RAB39A: variants seen among roughly 807,000 people sequenced by gnomAD.
RAB39A encodes ras-related protein Rab-39A.
In RAB39A, 17 loss-of-function variants were observed where a neutral mutation model predicts 20.9. The observed-to-expected ratio is 0.81, with a 90% CI of 0.56 to 1.22. The LOEUF (loss-of-function observed/expected upper bound fraction) is 1.22, where lower values mean the gene tolerates loss of function less well. RAB39A is among the 50% of genes most tolerant of loss of function. The pLI is 0.00. For missense variants in RAB39A, 234 were observed against 270.5 expected (o/e 0.87, Z 0.95); for synonymous variants, 99 against 103.4 (o/e 0.96, Z 0.26).
chr11:107,933,311 ATATGTGTG>A (rs764109235), intron 1 of RAB39A, among the ~76,000 whole-genome samples: 4,389 of 51,960 alleles, frequency 0.084, 84 homozygotes, highest in African/African-American at 0.13. Context: ...TTATATATAT[ATATGTGTG>A]TGTGTGTGTG....
At chr11:107,958,957 T>C (rs1861467454) in intron 1 of RAB39A, among the ~76,000 whole-genome samples, 1 of 151,956 alleles carries the variant, frequency 6.6e-6, no homozygotes, top group African/African-American at 2.4e-5. Context: ...TCATCTCTAC[T>C]AAAAATTAAA....
At position 107,962,150 on chromosome 11, in the gene RAB39A, A is replaced by C; in HGVS notation, c.432A>C (p.Lys144Asn). ...QRQVTREEAE[K>N]LSADCGMKYI... is the part of the protein sequence containing the mutation. ...AAGTTACAAGGGAAGAAGCTGAAAA[A>C]CTGTCAGCAGACTGTGGAATGAAGT... Residue 144 changes from lysine (K) to asparagine (N), a missense_variant, in exon 2 of 2, where the codon AAA becomes AAC. Lys to Asn is a moderately conservative substitution (Grantham distance 94). Transcript: ENST00000320578. 1 of 1,614,158 alleles carries C rather than the reference A, an allele frequency of 6.2e-7. No individual in the cohort carries two copies. Among genetic ancestry groups the C allele is most frequent in the Non-Finnish European group, 8.5e-7 (1 of 1,179,990 alleles).
rs577385486 is a variant in RAB39A at position 107,958,868 on chromosome 11, C to CT, written c.228-3077dup. On this transcript the variant is annotated intron_variant, in intron 1 of 1. Transcript: ENST00000320578. ...GGCGCGGTGGCTCATGCCTGTTATC[C>CT]TAGTGCTCTGGGAGGCCAAGGTGGG... is the stretch of plus-strand genomic sequence containing the variant. 1.1e-3 allele frequency among the ~76,000 whole-genome samples: 160 copies of CT among 152,076 alleles called. 1 individual carries two copies. Among genetic ancestry groups the CT allele is most frequent in the Non-Finnish European group, 3.7e-4 (25 of 67,990 alleles).
chr11:107,950,612 C>A (rs1464521661), intron 1 of RAB39A, among the ~76,000 whole-genome samples: 1 of 151,864 alleles, frequency 6.6e-6, no homozygotes, highest in African/African-American at 2.4e-5. Flanking sequence ...ACAAAAAATA[C>A]AAAACTTAGC....
At chr11:107,938,639 G>C (rs1861225910) in intron 1 of RAB39A, among the ~76,000 whole-genome samples, 1 of 150,642 alleles carries the variant, frequency 6.6e-6, no homozygotes, top group African/African-American at 2.4e-5. Context: ...GGGAGACTGA[G>C]GTAAGACTAT....
At position 107,962,384 on chromosome 11, in the gene RAB39A, C is replaced by A; in HGVS notation, c.*12C>A. The A allele has an allele frequency of 1.3e-6, 2 of 1,583,896 alleles. No homozygotes were observed. The highest frequency in any genetic ancestry group is 8.6e-7 in the Non-Finnish European group (1 of 1,161,446). Reference sequence around the variant, plus strand: ...AATGCTTCTGCTGACTTCAAACATGCTGAAGAACTAACAGGAACAGATTGG... The same window carrying A: ...AATGCTTCTGCTGACTTCAAACATGATGAAGAACTAACAGGAACAGATTGG... On this transcript the variant is annotated 3_prime_UTR_variant, in exon 2 of 2. Transcript: ENST00000320578.
chr11:107,949,704 A>C (rs1861355198), intron 1 of RAB39A, among the ~76,000 whole-genome samples: 1 of 152,214 alleles, frequency 6.6e-6, no homozygotes, highest in Non-Finnish European at 1.5e-5. Context: ...CAAATAGAAA[A>C]TAAGCATCCT....
chr11:107,950,220 T>C (rs1861363379), intron 1 of RAB39A, among the ~76,000 whole-genome samples: 1 of 151,938 alleles, frequency 6.6e-6, no homozygotes, highest in Admixed American at 6.6e-5. Flanking sequence ...ATTTCACCTA[T>C]ATGTGTATAG....
chr11:107,946,456 ATATATTTTTTTTTTTTTTTTT>A (rs1861318440), intron 1 of RAB39A, among the ~76,000 whole-genome samples: 1 of 43,550 alleles, frequency 2.3e-5, no homozygotes. Context: ...ATATATATAT[ATATATTTTTTTTTTTTTTTTT>A]TTTTTTTTTT....
In RAB39A at chr11:107,928,756, A is replaced by G; in HGVS notation, c.188A>G (p.Lys63Arg). The G allele has an allele frequency of 6.2e-7, 1 of 1,605,672 alleles. No homozygotes were observed. Among genetic ancestry groups the G allele is most frequent in the Non-Finnish European group, 8.5e-7 (1 of 1,175,532 alleles). ...GAGATCGAGCCGGGCAAGAGGATCA[A>G]GCTACAGCTCTGGGACACGGCGGGA... ...LLEIEPGKRI[K>R]LQLWDTAGQE... is the part of the protein sequence containing the mutation. The change falls in exon 1 of 2, where the codon AAG becomes AGG. Residue 63 changes from lysine (K) to arginine (R), a missense_variant. Physicochemically the swap from Lys to Arg is conservative, Grantham distance 26 (BLOSUM62 2). Transcript: ENST00000320578. This position sits in a 1 kb window ranked among gnomAD's most constrained non-coding sequence, Gnocchi z 4.9.
chr11:107,932,944 C>T (rs1215295103), intron 1 of RAB39A, among the ~76,000 whole-genome samples: 2 of 152,024 alleles, frequency 1.3e-5, no homozygotes, highest in Non-Finnish European at 2.9e-5. Flanking sequence ...CTCCTGGGCT[C>T]GTGTAATCTG....
chr11:107,940,291 G>A (rs566077339), intron 1 of RAB39A, among the ~76,000 whole-genome samples: 2 of 151,562 alleles, frequency 1.3e-5, no homozygotes, highest in Non-Finnish European at 1.5e-5. Flanking sequence ...TTTTAGATGA[G>A]TCACATTCTG....
intron 1 of RAB39A, among the ~76,000 whole-genome samples, chr11:107,929,485 G>GGTGTGT (rs10687737): frequency 6.0e-5 from 9 of 149,600 alleles, no homozygotes; most frequent in African/African-American, 1.2e-4. Flanking sequence ...CACAGCTGAG[G>GGTGTGT]GTGTGTGTGT....
chr11:107,943,388 G>A lies in RAB39A; in HGVS notation c.227+14593G>A, dbSNP rs529031941. 4.5e-3 allele frequency among the ~76,000 whole-genome samples: 685 copies of A among 152,066 alleles called. 1 individual carries two copies. The highest frequency in any genetic ancestry group is 7.5e-3 in the Admixed American group (115 of 15,250). On this transcript the variant is annotated intron_variant, in intron 1 of 1. Transcript: ENST00000320578. ...AGATTGAGACCATCCTGGCTAACAC[G>A]GTGAAACCCTGACTCTACTAAAAAT...
chr11:107,928,614 G>C lies in RAB39A; in HGVS notation c.46G>C (p.Asp16His). 1.3e-6 allele frequency: 2 copies of C among 1,598,632 alleles called. No homozygotes were observed. The highest frequency in any genetic ancestry group is 1.7e-6 in the Non-Finnish European group (2 of 1,168,664). ...CCAGTTCCGCCTCATCGTGATCGGG[G>C]ACTCCACCGTGGGCAAGTCCTGCCT... Reference protein sequence around the residue: ...IYQFRLIVIGDSTVGKSCLLH... With the variant: ...IYQFRLIVIGHSTVGKSCLLH... Residue 16 changes from aspartate to histidine, a missense_variant, in exon 1 of 2, where the codon GAC (aspartate) becomes CAC (histidine). Coordinates refer to ENST00000320578, the MANE Select transcript of RAB39A (RefSeq NM_017516.3). This position sits in a 1 kb window ranked among gnomAD's most constrained non-coding sequence, Gnocchi z 4.9.
chr11:107,946,938 T>C (rs1485103241), intron 1 of RAB39A, among the ~76,000 whole-genome samples: 1 of 151,738 alleles, frequency 6.6e-6, no homozygotes, highest in Non-Finnish European at 1.5e-5. Context: ...AATAAAAAAT[T>C]AGCCAGACGT....
chr11:107,955,655 A>C (rs1255409326), intron 1 of RAB39A, among the ~76,000 whole-genome samples: 6 of 152,152 alleles, frequency 3.9e-5, no homozygotes, highest in Non-Finnish European at 5.9e-5. Context: ...CCTGACCAAC[A>C]TGGAGAAATC....
At chr11:107,959,761 G>T (rs1379668526) in intron 1 of RAB39A, among the ~76,000 whole-genome samples, 2 of 152,298 alleles carry the variant, frequency 1.3e-5, no homozygotes, top group East Asian at 3.9e-4. Flanking sequence ...AGGAAAGTAT[G>T]ACGGTAACAA....
chr11:107,953,398 G>A lies in RAB39A; in HGVS notation c.228-8548G>A, dbSNP rs572785057. ...AATGGTTGAGGTGCAGAGACTTGAT[G>A]GGAAAGTGGAGGCCAGGCTTGGAAT... On this transcript the variant is annotated intron_variant, in intron 1 of 1. Transcript: ENST00000320578. Among the ~76,000 whole-genome samples the A allele has an allele frequency of 2.0e-4, 30 of 152,262 alleles. 1 individual carries two copies. The highest frequency in any genetic ancestry group is 7.0e-4 in the African/African-American group (29 of 41,546).
Sources: allele counts gnomAD v4.1 joint callset (sites outside exome capture counted in the v4.1 genomes callset), GRCh38; gene constraint gnomAD v4.1.1; non-coding constraint Gnocchi (gnomAD v3.1); transcripts MANE v1.5; gene names NCBI Gene and HGNC (gene_info 2026-07-23, HGNC 2026-07-21).